The following CLRN3 variants were observed in gnomAD, a reference collection of about 807,000 sequenced individuals.
CLRN3 encodes clarin-3.
CLRN3 carries 12 observed loss-of-function variants against 16.7 expected under a neutral mutation model. The ratio of observed to expected loss-of-function variants is 0.72; its 90% CI spans 0.46 to 1.16. The LOEUF is 1.16. Among genes scored for constraint, CLRN3 ranks in the 50% most tolerant of loss-of-function variants. The pLI is 0.00. For missense variants in CLRN3, 296 were observed against 274.2 expected (o/e 1.08, Z -0.56); for synonymous variants, 118 against 113.0 (o/e 1.04, Z -0.28).
Position 127,892,879 on chromosome 10 carries a change from G to A in CLRN3, c.-95C>T. ...TTTTGAAGTCTGGTATTTAGAAATG[G>A]AGTCTAACACTTTATTGTCAAATAT... is the stretch of plus-strand genomic sequence containing the variant. On this transcript the variant is annotated 5_prime_UTR_variant, in exon 1 of 3. Coordinates refer to ENST00000368671, the MANE Select transcript of CLRN3 (RefSeq NM_152311.5). 1.4e-6 allele frequency: 1 copy of A among 720,136 alleles called. No individual in the cohort carries two copies. The allele number at this position is 720,136 out of a possible 1,614,324, so 44.6% of individuals were successfully genotyped here.
chr10:127,885,009 G>A (rs116545487), intron 1 of CLRN3, among the ~76,000 whole-genome samples: 2 of 152,330 alleles, frequency 1.3e-5, no homozygotes, highest in East Asian at 3.9e-4. Flanking sequence ...CAAGTGAAAG[G>A]CTCTTTGTTT....
rs1177774506 is a variant in CLRN3 at position 127,892,928 on chromosome 10, G to C, written c.-144C>G. ...ATAAAATCTCACTCTTCCTGAGGAA[G>C]GGTTATGCTAATGGACATTGAACTC... On this transcript the variant is annotated 5_prime_UTR_variant, in exon 1 of 3. Coordinates refer to ENST00000368671, the MANE Select transcript of CLRN3 (RefSeq NM_152311.5). The C allele has an allele frequency of 9.7e-6, 6 of 617,384 alleles. No individual in the cohort carries two copies. The highest frequency in any genetic ancestry group is 4.0e-5 in the South Asian group (2 of 49,962). 38.2% of individuals were successfully genotyped at this position (617,384 alleles called of 1,614,324 possible).
chr10:127,892,654 G>A lies in CLRN3; in HGVS notation c.131C>T (p.Ala44Val), dbSNP rs1564781145. Residue 44 changes from alanine to valine, a missense_variant, in exon 1 of 3, where the codon GCT becomes GTT. By Grantham distance (64) the Ala-to-Val change is moderately conservative. Transcript: ENST00000368671. The part of the protein sequence containing the change: ...ITSTIAVRDS[A>V]SNGSIFITYG... ...AGTGATGAAAATGCTCCCATTTGAA[G>A]CAGAGTCTCTAACAGCAATTGTACT... is the stretch of plus-strand genomic sequence containing the variant. 6.2e-7 allele frequency: 1 copy of A among 1,612,318 alleles called. No individual in the cohort carries two copies. Among genetic ancestry groups the A allele is most frequent in the Non-Finnish European group, 8.5e-7 (1 of 1,178,322 alleles).
At position 127,886,696 on chromosome 10, in the gene CLRN3, C is replaced by A. The variant is rs144520578; in HGVS notation, c.230-2821G>T. Reference sequence around the variant, plus strand: ...GGGAGCAAACCAGGAGAAGACTGGGCAAGCCTCAGCTCAGTGGCATGAGGA... The same window carrying A: ...GGGAGCAAACCAGGAGAAGACTGGGAAAGCCTCAGCTCAGTGGCATGAGGA... On this transcript the variant is annotated intron_variant, in intron 1 of 2. Transcript: ENST00000368671. 2.0e-5 allele frequency among the ~76,000 whole-genome samples: 3 copies of A among 152,360 alleles called. No homozygotes were observed. The East Asian group carries it at 5.8e-4, about 29-fold the overall frequency.
At chr10:127,880,514 ACT>A (rs1274930430) in intron 2 of CLRN3, among the ~76,000 whole-genome samples, 1 of 151,766 alleles carries the variant, frequency 6.6e-6, no homozygotes, top group Admixed American at 6.6e-5. Flanking sequence ...ATCACTTTCC[ACT>A]CTCTGAGTTC....
At chr10:127,887,141 G>C (rs996223438) in intron 1 of CLRN3, among the ~76,000 whole-genome samples, 5 of 152,132 alleles carry the variant, frequency 3.3e-5, no homozygotes, top group Non-Finnish European at 7.4e-5. Flanking sequence ...GTAATAGAGG[G>C]GGACACCGGA....
chr10:127,885,965 G>T (rs2135082626), intron 1 of CLRN3, among the ~76,000 whole-genome samples: 1 of 152,278 alleles, frequency 6.6e-6, no homozygotes, highest in Non-Finnish European at 1.5e-5. Context: ...ATGTTGGTCA[G>T]GCTGGTCTCG....
At chr10:127,891,219 G>C (rs946788556) in intron 1 of CLRN3, among the ~76,000 whole-genome samples, 1 of 152,216 alleles carries the variant, frequency 6.6e-6, no homozygotes, top group African/African-American at 2.4e-5. Flanking sequence ...GCCAGGTCCT[G>C]ACACATCCTG....
intron 2 of CLRN3, among the ~76,000 whole-genome samples, chr10:127,879,224 T>C (rs1001882982): frequency 6.6e-6 from 1 of 152,146 alleles, no homozygotes; most frequent in Non-Finnish European, 1.5e-5. Flanking sequence ...TCCTACCACC[T>C]CAGCCTCCTG....
At chr10:127,882,461 G>T (rs1845140185) in intron 2 of CLRN3, among the ~76,000 whole-genome samples, 1 of 152,224 alleles carries the variant, frequency 6.6e-6, no homozygotes, top group Admixed American at 6.5e-5. Context: ...CCACGTCAGT[G>T]ATCTCACATT....
rs1845092340 is a variant in CLRN3 at position 127,878,849 on chromosome 10, G to A, written c.410-429C>T. ...CTTAAAAAGACCCTGGGTGGGCAGT[G>A]GGCCTGGAGCACCTGGGACTGTGAG... On this transcript the variant is annotated intron_variant, in intron 2 of 2. Coordinates refer to ENST00000368671, the MANE Select transcript of CLRN3 (RefSeq NM_152311.5). Among the ~76,000 whole-genome samples the A allele has an allele frequency of 2.0e-5, 3 of 152,278 alleles. No homozygotes were observed. In the South Asian group the frequency reaches 6.2e-4, roughly 32 times the overall value.
chr10:127,883,956 T>G, intron 1 of CLRN3, 81 bp from the exon 2 acceptor site: 1 of 1,324,284 alleles, frequency 7.6e-7, no homozygotes, highest in Non-Finnish European at 1.1e-6. Flanking sequence ...CCTACCCTCT[T>G]AGTGACTTGA....
chr10:127,883,625 G>T, intron 2 of CLRN3, 71 bp downstream of exon 2: 1 of 1,080,856 alleles, frequency 9.3e-7, no homozygotes, highest in Non-Finnish European at 1.4e-6. Context: ...ATGCATGTGT[G>T]AGAGGCAGAG....
At chr10:127,881,485 G>A (rs995014496) in intron 2 of CLRN3, among the ~76,000 whole-genome samples, 6 of 152,296 alleles carry the variant, frequency 3.9e-5, no homozygotes, top group Non-Finnish European at 5.9e-5. Context: ...TTGTTCGGCC[G>A]GCGCCACACC....
At chr10:127,883,995 A>G in intron 1 of CLRN3, 120 bp from the exon 2 acceptor site, 2 of 895,172 alleles carry the variant, frequency 2.2e-6, no homozygotes, top group Non-Finnish European at 3.6e-6. Flanking sequence ...TCAGTTAGAG[A>G]TACCAGGAGC....
At chr10:127,890,009 T>G (rs1276087251) in intron 1 of CLRN3, among the ~76,000 whole-genome samples, 1 of 152,200 alleles carries the variant, frequency 6.6e-6, no homozygotes, top group Non-Finnish European at 1.5e-5. Flanking sequence ...CCAACCCCCT[T>G]GCTTGCATGC....
At position 127,892,751 on chromosome 10, in the gene CLRN3, A is replaced by G. The variant is rs539370192; in HGVS notation, c.34T>C (p.Ser12Pro). ...GACCCAAGGCTGGTGAAAAAGCTTG[A>G]TAAGAACATCAATGTCTTCTTTGTG... is the stretch of plus-strand genomic sequence containing the variant. ...PTTKKTLMFL[S>P]SFFTSLGSFI... is the part of the protein sequence containing the mutation. Residue 12 changes from serine to proline, a missense_variant, in exon 1 of 3, where the codon TCA (serine) becomes CCA (proline). Physicochemically the swap from Ser to Pro is moderately conservative, Grantham distance 74. Transcript: ENST00000368671. 3.7e-6 allele frequency: 6 copies of G among 1,613,142 alleles called. No homozygotes were observed. Among genetic ancestry groups the G allele is most frequent in the South Asian group, 2.2e-5 (2 of 91,076 alleles).
At chr10:127,883,577 T>A in intron 2 of CLRN3, 119 bp downstream of exon 2, 1 of 760,322 alleles carries the variant, frequency 1.3e-6, no homozygotes, top group Non-Finnish European at 2.3e-6. Context: ...TGGGAGGTCC[T>A]CATAGTTTCC....
rs567785324 is a variant in CLRN3 at position 127,878,006 on chromosome 10, A to G, written c.*143T>C. ...AAAAATTTTCAGGAGTACAGCATCA[A>G]TGAAGAACACAGTGTCATGAAACAC... is the stretch of plus-strand genomic sequence containing the variant. On this transcript the variant is annotated 3_prime_UTR_variant, in exon 3 of 3. Coordinates refer to ENST00000368671, the MANE Select transcript of CLRN3 (RefSeq NM_152311.5). 2.9e-5 allele frequency: 30 copies of G among 1,043,366 alleles called. No homozygotes were observed. The South Asian group carries it at 3.5e-4, about 12-fold the overall frequency. The allele number at this position is 1,043,366 out of a possible 1,614,324, so 64.6% of individuals were successfully genotyped here.
Sources: allele counts gnomAD v4.1 joint callset (sites outside exome capture counted in the v4.1 genomes callset), GRCh38; gene constraint gnomAD v4.1.1; transcripts MANE v1.5; gene names NCBI Gene and HGNC (gene_info 2026-07-23, HGNC 2026-07-21).